TOX: variants seen among roughly 807,000 people sequenced by gnomAD.
The protein encoded by TOX is thymocyte selection-associated high mobility group box protein TOX.
Under a neutral mutation model 53.7 loss-of-function variants are expected in TOX, and 11 were observed. The ratio of observed to expected loss-of-function variants is 0.20; its 90% CI spans 0.13 to 0.34. The LOEUF is 0.34. TOX is among the 10% of genes least tolerant of loss of function. TOX has a pLI of 1.00. For missense variants in TOX, 570 were observed against 664.6 expected, an observed-to-expected ratio of 0.86 and a Z score of 1.56; for synonymous variants, 225 against 245.3, an observed-to-expected ratio of 0.92 and a Z score of 0.77.
intron 3 of TOX, among the ~76,000 whole-genome samples, chr8:58,884,562 G>T (rs1215250875): frequency 6.6e-6 from 1 of 152,076 alleles, no homozygotes; most frequent in South Asian, 2.1e-4. Context: ...GTATAAGAAG[G>T]CTCTTTCTGG....
intron 3 of TOX, among the ~76,000 whole-genome samples, chr8:58,933,300 A>C (rs1164400457): frequency 6.6e-6 from 1 of 152,216 alleles, no homozygotes; most frequent in Non-Finnish European, 1.5e-5. Flanking sequence ...GCAGCGGTGA[A>C]TATACCAAAG....
intron 3 of TOX, among the ~76,000 whole-genome samples, chr8:58,876,074 T>C (rs1811278754): frequency 6.6e-6 from 1 of 152,172 alleles, no homozygotes; most frequent in African/African-American, 2.4e-5. Context: ...CAGGTATTAA[T>C]ATTTGACTAA....
intron 3 of TOX, among the ~76,000 whole-genome samples, chr8:58,888,855 T>TA (rs928548549): frequency 1.2e-4 from 18 of 151,002 alleles, no homozygotes; most frequent in Admixed American, 7.3e-4. Context: ...GTGAATCAAG[T>TA]AAAAAAAAAT....
At chr8:58,820,055 C>T (rs1810247159) in intron 6 of TOX, among the ~76,000 whole-genome samples, 1 of 152,140 alleles carries the variant, frequency 6.6e-6, no homozygotes, top group Non-Finnish European at 1.5e-5. Flanking sequence ...TTTACGTTAA[C>T]AGTCATACAA....
chr8:59,032,955 T>C (rs561676521), intron 1 of TOX, among the ~76,000 whole-genome samples: 2 of 150,030 alleles, frequency 1.3e-5, no homozygotes, highest in Non-Finnish European at 3.0e-5. Context: ...TGCTTGGACC[T>C]GGGAGGCAGA....
chr8:59,021,385 C>T (rs1219518489), intron 1 of TOX, among the ~76,000 whole-genome samples: 4 of 147,060 alleles, frequency 2.7e-5, no homozygotes, highest in Admixed American at 2.0e-4. Flanking sequence ...TGGCTATTGT[C>T]CCTGAAAATA....
intron 1 of TOX, among the ~76,000 whole-genome samples, chr8:58,993,273 A>G (rs1813490400): frequency 6.6e-6 from 1 of 152,196 alleles, no homozygotes; most frequent in Non-Finnish European, 1.5e-5. Flanking sequence ...TTTAATTAAG[A>G]TTAGATTTAA....
At chr8:59,085,811 T>G (rs1360861783) in intron 1 of TOX, among the ~76,000 whole-genome samples, 1 of 152,148 alleles carries the variant, frequency 6.6e-6, no homozygotes, top group East Asian at 1.9e-4. Flanking sequence ...TTATTATTAT[T>G]GTCCAAAGGA....
intron 1 of TOX, among the ~76,000 whole-genome samples, chr8:59,107,323 T>G (rs905953010): frequency 1.3e-5 from 2 of 152,154 alleles, no homozygotes; most frequent in African/African-American, 4.8e-5. Context: ...CATAACTTAG[T>G]TTCTGTTGAA....
chr8:58,808,836 T>C (rs570054539), intron 7 of TOX, among the ~76,000 whole-genome samples: 2 of 152,322 alleles, frequency 1.3e-5, no homozygotes, highest in East Asian at 1.9e-4. Context: ...TTTTTAACAG[T>C]TGTTGGACTA....
At chr8:59,071,373 C>T (rs961008660) in intron 1 of TOX, among the ~76,000 whole-genome samples, 2 of 152,202 alleles carry the variant, frequency 1.3e-5, no homozygotes, top group East Asian at 1.9e-4. Context: ...ATGGAATGCT[C>T]TCCACTCAGG....
intron 1 of TOX, among the ~76,000 whole-genome samples, chr8:59,111,768 T>G (rs1805020053): frequency 6.6e-6 from 1 of 152,240 alleles, no homozygotes; most frequent in South Asian, 2.1e-4. Context: ...TCTATTTTCT[T>G]GGCCACTGGC....
intron 7 of TOX, 59 bp from the exon 8 acceptor site, chr8:58,808,328 C>T: frequency 6.4e-7 from 1 of 1,554,640 alleles, no homozygotes; most frequent in Non-Finnish European, 8.7e-7. Context: ...AAGAAAAGCA[C>T]CTAAATATTT....
Position 58,851,316 on chromosome 8 carries a change from T to C in TOX, c.693+208A>G, listed in dbSNP as rs544586576. Among the ~76,000 whole-genome samples, 9 of 152,202 alleles carry C rather than the reference T, an allele frequency of 5.9e-5. No individual in the cohort carries two copies. The South Asian group carries it at 1.2e-3, about 21-fold the overall frequency. ...ACAACTTTTACGCTTAACACATCTATATTTAAAGGATTTCTCAGGGGCTTT... is the reference window on the plus strand; with the variant it reads ...ACAACTTTTACGCTTAACACATCTACATTTAAAGGATTTCTCAGGGGCTTT... On this transcript the variant is annotated intron_variant, in intron 4 of 8. Transcript: ENST00000361421. This position sits in a 1 kb window ranked among gnomAD's most constrained non-coding sequence, Gnocchi z 4.4.
chr8:59,011,007 C>T (rs1813895127), intron 1 of TOX, among the ~76,000 whole-genome samples: 1 of 152,162 alleles, frequency 6.6e-6, no homozygotes, highest in African/African-American at 2.4e-5. Flanking sequence ...ATAAAGTCAG[C>T]ACCTCTGGGA....
chr8:58,943,451 G>T (rs748026513), intron 2 of TOX, among the ~76,000 whole-genome samples: 1 of 152,026 alleles, frequency 6.6e-6, no homozygotes, highest in East Asian at 1.9e-4. Context: ...ATTCCAGCAG[G>T]TTCCTTTTCT....
chr8:59,065,679 C>T (rs934634507), intron 1 of TOX, among the ~76,000 whole-genome samples: 1 of 152,062 alleles, frequency 6.6e-6, no homozygotes, highest in Non-Finnish European at 1.5e-5. Context: ...ACAGCTCTGT[C>T]ACAGAGCAGA....
intron 3 of TOX, among the ~76,000 whole-genome samples, chr8:58,910,865 T>G (rs1357448692): frequency 6.6e-6 from 1 of 152,148 alleles, no homozygotes; most frequent in Non-Finnish European, 1.5e-5. Flanking sequence ...ATCAAGGAGA[T>G]TCAAAGAATA....
At chr8:58,820,347 A>C (rs1305445999) in intron 6 of TOX, among the ~76,000 whole-genome samples, 1 of 152,196 alleles carries the variant, frequency 6.6e-6, no homozygotes, top group African/African-American at 2.4e-5. Context: ...TTAAGGTAGA[A>C]ACAAAATCTT....
Sources: allele counts gnomAD v4.1 joint callset (sites outside exome capture counted in the v4.1 genomes callset), GRCh38; gene constraint gnomAD v4.1.1; non-coding constraint Gnocchi (gnomAD v3.1); transcripts MANE v1.5; gene names NCBI Gene and HGNC (gene_info 2026-07-23, HGNC 2026-07-21).